The following MYO1E variants were observed in gnomAD, a reference collection of about 807,000 sequenced individuals.
The protein encoded by MYO1E is unconventional myosin-Ie.
Under a neutral mutation model 151.1 loss-of-function variants are expected in MYO1E, and 68 were observed. The ratio of observed to expected loss-of-function variants is 0.45; its 90% CI spans 0.37 to 0.55. The LOEUF (loss-of-function observed/expected upper bound fraction) is 0.55. MYO1E is among the 20% of genes least tolerant of loss of function. The pLI, the probability that MYO1E is intolerant of heterozygous loss-of-function variation, is 0.00. For missense variants in MYO1E, 1,363 were observed against 1,389.3 expected, an observed-to-expected ratio of 0.98 and a Z score of 0.30; for synonymous variants, 601 against 501.7, an observed-to-expected ratio of 1.20 and a Z score of -2.64.
chr15:59,180,286 C>T (rs2079650460), intron 18 of MYO1E, among the ~76,000 whole-genome samples: 1 of 152,022 alleles, frequency 6.6e-6, no homozygotes, highest in East Asian at 1.9e-4. Flanking sequence ...AATAGCAGAA[C>T]CTGTCTAGAT....
At chr15:59,346,893 G>A (rs757869178) in intron 1 of MYO1E, among the ~76,000 whole-genome samples, 15 of 151,656 alleles carry the variant, frequency 9.9e-5, no homozygotes, top group Non-Finnish European at 1.8e-4. Flanking sequence ...TTCCAGCCTG[G>A]GTGACAGAGC....
chr15:59,330,031 C>T (rs2080688908), intron 1 of MYO1E, among the ~76,000 whole-genome samples: 1 of 152,070 alleles, frequency 6.6e-6, no homozygotes, highest in Non-Finnish European at 1.5e-5. Flanking sequence ...TTAACCATTC[C>T]CAGCTTCAAT....
At chr15:59,258,672 T>C (rs957660511) in intron 3 of MYO1E, among the ~76,000 whole-genome samples, 21 of 152,146 alleles carry the variant, frequency 1.4e-4, no homozygotes, top group Non-Finnish European at 7.3e-5. Flanking sequence ...GGCAACATAG[T>C]GAGACCTCCT....
intron 22 of MYO1E, among the ~76,000 whole-genome samples, chr15:59,170,079 T>G (rs890460844): frequency 1.3e-5 from 2 of 152,114 alleles, no homozygotes; most frequent in Non-Finnish European, 2.9e-5. Context: ...GAGAACCACT[T>G]GGACCAGGGA....
intron 1 of MYO1E, among the ~76,000 whole-genome samples, chr15:59,299,756 T>A (rs1390367437): frequency 6.6e-6 from 1 of 152,198 alleles, no homozygotes; most frequent in Non-Finnish European, 1.5e-5. Context: ...AATCCTAACC[T>A]GATGACCCCA....
intron 2 of MYO1E, among the ~76,000 whole-genome samples, chr15:59,268,720 A>ATGTTTTTTTTTTTTTTTTT (rs2080271280): frequency 2.2e-5 from 1 of 44,906 alleles, no homozygotes; most frequent in Non-Finnish European, 4.9e-5. Flanking sequence ...TGACTTTGGT[A>ATGTTTTTTTTTTTTTTTTT]TTTTTTTTTT....
intron 1 of MYO1E, among the ~76,000 whole-genome samples, chr15:59,338,224 A>T (rs1386783369): frequency 6.6e-6 from 1 of 150,664 alleles, no homozygotes; most frequent in African/African-American, 2.4e-5. Flanking sequence ...CTTACAAATG[A>T]ATTTCTATTT....
intron 1 of MYO1E, among the ~76,000 whole-genome samples, chr15:59,293,904 A>G (rs2080434377): frequency 1.3e-5 from 2 of 152,100 alleles, no homozygotes; most frequent in Admixed American, 1.3e-4. Context: ...TTAGCCAGGC[A>G]TGGTGGCGCA....
chr15:59,167,718 C>G (rs1214841850), intron 22 of MYO1E, among the ~76,000 whole-genome samples: 3 of 152,138 alleles, frequency 2.0e-5, no homozygotes, highest in African/African-American at 7.2e-5. Flanking sequence ...GCTCTGTTGC[C>G]CAGGCTGGAG....
intron 1 of MYO1E, among the ~76,000 whole-genome samples, chr15:59,304,809 C>G (rs370075124): frequency 2.6e-4 from 39 of 152,304 alleles, no homozygotes; most frequent in African/African-American, 9.4e-4. Flanking sequence ...TATTCATTGA[C>G]CTTGGCTCAA....
chr15:59,207,714 C>A, intron 14 of MYO1E: 1 of 1,614,110 alleles, frequency 6.2e-7, no homozygotes, highest in Non-Finnish European at 8.5e-7. Flanking sequence ...TAGCTGGTGT[C>A]CCTTTGAAGG....
At chr15:59,141,569 C>T (rs980876872) in intron 26 of MYO1E, among the ~76,000 whole-genome samples, 4 of 151,964 alleles carry the variant, frequency 2.6e-5, no homozygotes, top group Non-Finnish European at 5.9e-5. Context: ...GAGGCCAAGG[C>T]GGGTGGATCA....
chr15:59,151,889 TACACAC>T (rs34550013), intron 26 of MYO1E, among the ~76,000 whole-genome samples: 8 of 147,156 alleles, frequency 5.4e-5, no homozygotes, highest in Admixed American at 6.8e-5. Flanking sequence ...TCTACAAAAA[TACACAC>T]ACACACACAC....
intron 1 of MYO1E, among the ~76,000 whole-genome samples, chr15:59,366,161 T>C (rs1270095821): frequency 3.9e-5 from 6 of 152,116 alleles, no homozygotes; most frequent in African/African-American, 7.2e-5. Context: ...GTATTTTTAG[T>C]AGAGACGGGG....
At chr15:59,193,693 A>G (rs1256229420) in intron 17 of MYO1E, among the ~76,000 whole-genome samples, 2 of 152,130 alleles carry the variant, frequency 1.3e-5, no homozygotes, top group East Asian at 3.8e-4. Context: ...CAGATTGAAA[A>G]CCTGGGATTA....
chr15:59,158,249 A>T (rs761155048), intron 25 of MYO1E, 38 bp downstream of exon 25: 64 of 1,461,504 alleles, frequency 4.4e-5, no homozygotes, highest in Non-Finnish European at 5.5e-5. Context: ...ATGGGTCCAG[A>T]TTTAGTGGTC....
chr15:59,262,798 A>T (rs1240579465), intron 2 of MYO1E, among the ~76,000 whole-genome samples: 1 of 152,318 alleles, frequency 6.6e-6, no homozygotes, highest in African/African-American at 2.4e-5. Flanking sequence ...GCTGGGCCTT[A>T]AAAATTTTAC....
At chr15:59,216,588 GTGTGTGTATCTATC>G (rs2079915862) in intron 10 of MYO1E, among the ~76,000 whole-genome samples, 1 of 66,790 alleles carries the variant, frequency 1.5e-5, no homozygotes, top group Admixed American at 1.3e-4. Flanking sequence ...ATGTGTGTGT[GTGTGTGTATCTATC>G]TATCTATCTA....
intron 21 of MYO1E, among the ~76,000 whole-genome samples, chr15:59,172,424 A>G (rs761335925): frequency 2.6e-5 from 4 of 152,216 alleles, no homozygotes; most frequent in Admixed American, 6.5e-5. Flanking sequence ...TGTTACCAGG[A>G]CAGGGGGAAG....
Sources: allele counts gnomAD v4.1 joint callset (sites outside exome capture counted in the v4.1 genomes callset), GRCh38; gene constraint gnomAD v4.1.1; transcripts MANE v1.5; gene names NCBI Gene and HGNC (gene_info 2026-07-23, HGNC 2026-07-21).